Variants in ACTR3C observed in about 807,000 individuals in gnomAD.
ACTR3C encodes actin related protein 3C.
A neutral mutation model predicts 26.3 loss-of-function variants in ACTR3C; 18 were observed. That is an observed-to-expected ratio of 0.68 (90% confidence interval 0.47 to 1.01). The LOEUF (loss-of-function observed/expected upper bound fraction) is 1.01. Among genes scored for constraint, ACTR3C ranks in the 50% least tolerant of loss-of-function variants. The probability of loss-of-function intolerance (pLI) is 0.00; values close to 1 mark genes in which losing one functional copy is unlikely to be tolerated. For missense variants in ACTR3C, 184 were observed against 250.7 expected (o/e 0.73, Z 1.80); for synonymous variants, 55 against 94.5 (o/e 0.58, Z 2.42).
At chr7:150,320,060 T>C (rs145410424) in intron 1 of ACTR3C, among the ~76,000 whole-genome samples, 1 of 152,362 alleles carries the variant, frequency 6.6e-6, no homozygotes, top group East Asian at 1.9e-4. Context: ...AGAGTGTTTC[T>C]GGATTAACGC....
the ACTR3C span, among the ~76,000 whole-genome samples, chr7:150,225,766 A>G: frequency 6.6e-6 from 1 of 152,220 alleles, no homozygotes; most frequent in Non-Finnish European, 1.5e-5. Context: ...TTTTAAATTT[A>G]CATACATCAA....
chr7:150,071,807 G>A, the ACTR3C span, among the ~76,000 whole-genome samples: 1,786 of 148,854 alleles, frequency 0.012, 15 homozygotes, highest in Admixed American at 0.04. Flanking sequence ...CTCTGGCTGC[G>A]GGCAGCACAC....
the ACTR3C span, among the ~76,000 whole-genome samples, chr7:150,031,034 A>G: frequency 6.6e-6 from 1 of 152,116 alleles, no homozygotes; most frequent in Admixed American, 6.5e-5. Context: ...AGGCAGGCAG[A>G]TCACCTGAGG....
chr7:150,033,616 A>T, the ACTR3C span, among the ~76,000 whole-genome samples: 1 of 118,752 alleles, frequency 8.4e-6, no homozygotes, highest in Non-Finnish European at 1.8e-5. Flanking sequence ...CCCCCGCTGC[A>T]ATGGGGGTCC....
At chr7:149,969,411 C>T in the ACTR3C span, among the ~76,000 whole-genome samples, 3 of 152,030 alleles carry the variant, frequency 2.0e-5, no homozygotes, top group South Asian at 2.1e-4. Context: ...CTGGGCTGGA[C>T]TACAGAGGCT....
At chr7:150,039,599 C>T in the ACTR3C span, among the ~76,000 whole-genome samples, 5,404 of 89,122 alleles carry the variant, frequency 0.061, 36 homozygotes, top group African/African-American at 0.13. Flanking sequence ...AGGTACCTGC[C>T]GTCGGAAGAT....
chr7:150,142,827 C>A, the ACTR3C span, among the ~76,000 whole-genome samples: 1 of 148,668 alleles, frequency 6.7e-6, no homozygotes, highest in African/African-American at 2.5e-5. Flanking sequence ...CTACGCCTGG[C>A]TTTTTTTTGT....
chr7:150,256,522 G>A (rs529500003), intron 6 of ACTR3C, among the ~76,000 whole-genome samples: 11 of 152,334 alleles, frequency 7.2e-5, no homozygotes, highest in South Asian at 4.1e-4. Flanking sequence ...ACCAAATACC[G>A]TTTATTGTCA....
chr7:150,016,810 A>G, the ACTR3C span, among the ~76,000 whole-genome samples: 2 of 152,158 alleles, frequency 1.3e-5, no homozygotes, highest in African/African-American at 4.8e-5. Context: ...CACAGGCAGG[A>G]ATGGTATATG....
the ACTR3C span, among the ~76,000 whole-genome samples, chr7:150,190,602 T>G: frequency 6.6e-6 from 1 of 152,228 alleles, no homozygotes; most frequent in Non-Finnish European, 1.5e-5. Context: ...TTGGAAAGAC[T>G]GCCTTTCCTC....
At chr7:150,140,873 T>A in the ACTR3C span, among the ~76,000 whole-genome samples, 1 of 152,202 alleles carries the variant, frequency 6.6e-6, no homozygotes, top group African/African-American at 2.4e-5. Context: ...AAGTTGTGAG[T>A]GCAAAGGCAA....
rs1403675713 is a variant in ACTR3C at position 150,323,494 on chromosome 7, G to A, written c.-77C>T. ...CTGCCGAGGAGGCGCCGGCTCTGCG[G>A]TGCGGAGTTGCGCCGGACTTCCCAG... On this transcript the variant is annotated 5_prime_UTR_variant, in exon 1 of 8. Coordinates refer to ENST00000683684, the MANE Select transcript of ACTR3C (RefSeq NM_001164458.2). 2.3e-6 allele frequency: 1 copy of A among 428,078 alleles called. No homozygotes were observed. Among genetic ancestry groups the A allele is most frequent in the Admixed American group, 2.6e-5 (1 of 38,796 alleles). 26.5% of individuals were successfully genotyped at this position (428,078 alleles called of 1,614,324 possible).
chr7:150,094,868 C>G, the ACTR3C span, among the ~76,000 whole-genome samples: 931 of 147,016 alleles, frequency 6.3e-3, 2 homozygotes, highest in African/African-American at 0.024. Flanking sequence ...CTCGTCCAAC[C>G]GGAAGGTGAA....
At chr7:150,035,715 G>T in the ACTR3C span, among the ~76,000 whole-genome samples, 5 of 139,532 alleles carry the variant, frequency 3.6e-5, 1 homozygote, top group Non-Finnish European at 6.5e-5. Flanking sequence ...TAAGCCAGGG[G>T]GTGAAGATGG....
the ACTR3C span, among the ~76,000 whole-genome samples, chr7:149,973,523 C>T: frequency 1.3e-5 from 2 of 152,126 alleles, no homozygotes; most frequent in African/African-American, 4.8e-5. Context: ...TACAAGACTG[C>T]TTCAAAGAAA....
the ACTR3C span, among the ~76,000 whole-genome samples, chr7:150,026,672 T>C: frequency 0.55 from 83,775 of 151,706 alleles, 24,156 homozygotes; most frequent in Admixed American, 0.62. Flanking sequence ...TCTTTGTTTA[T>C]AGTGGATTTT....
chr7:149,910,603 C>T, the ACTR3C span, among the ~76,000 whole-genome samples: 1 of 152,184 alleles, frequency 6.6e-6, no homozygotes, highest in African/African-American at 2.4e-5. Flanking sequence ...TCTGGACAAC[C>T]AAGCCGTCAT....
At chr7:150,184,755 G>A in the ACTR3C span, among the ~76,000 whole-genome samples, 2 of 149,226 alleles carry the variant, frequency 1.3e-5, no homozygotes, top group East Asian at 3.9e-4. Flanking sequence ...ACGCTAAGGG[G>A]GTTTGAGCTC....
the ACTR3C span, among the ~76,000 whole-genome samples, chr7:150,077,174 T>G: frequency 6.6e-6 from 1 of 151,960 alleles, no homozygotes; most frequent in African/African-American, 2.4e-5. Flanking sequence ...AAAAAAAAAT[T>G]CCAAAGGCAG....
Sources: gnomAD v4.1 joint callset for allele counts (sites outside exome capture counted in the v4.1 genomes callset) on GRCh38, gnomAD v4.1.1 for gene constraint, MANE v1.5 for transcripts, NCBI Gene and HGNC (gene_info 2026-07-23, HGNC 2026-07-21) for gene names.